The following MAP4 variants were observed in gnomAD, a reference collection of about 807,000 sequenced individuals.
MAP4 encodes the protein microtubule associated protein 4, also known as microtubule-associated protein 4.
In MAP4, 76 loss-of-function variants were observed where a neutral mutation model predicts 170.2. The observed-to-expected ratio is 0.45, with a 90% CI of 0.37 to 0.54. The LOEUF (loss-of-function observed/expected upper bound fraction) is 0.54. MAP4 is among the 20% of genes least tolerant of loss of function. MAP4 has a pLI of 0.00. For synonymous variants in MAP4, 909 were observed against 994.5 expected (o/e 0.91, Z 1.62); for missense variants, 2,506 against 2,748.0 (o/e 0.91, Z 1.97).
At chr3:48,018,810 TAAAAA>T (rs2100109127), upstream of MAP4, among the ~76,000 whole-genome samples, 1 of 151,552 alleles carries the variant, frequency 6.6e-6, no homozygotes, top group African/African-American at 2.4e-5. Context: ...CTCAAAAAAA[TAAAAA>T]TAAAAAAGAA....
chr3:47,903,386 A>G (rs2100031197), intron 9 of MAP4, among the ~76,000 whole-genome samples: 1 of 152,162 alleles, frequency 6.6e-6, no homozygotes, highest in African/African-American at 2.4e-5. Context: ...ACAAAAAATT[A>G]GCCAGGCATA....
rs1338249668 is a variant in MAP4 at position 47,912,131 on chromosome 3, T to G, written c.2290A>C (p.Thr764Pro). The part of the protein sequence containing the change: ...LGREAWDIES[T>P]PIMMKKKKKK... The stretch of plus-strand genomic sequence containing the variant: ...TTCTTTTTCTTCATCATTATTGGTG[T>G]GCTTTCTATATCCCAGGCCTCCCTG... The change falls in exon 9 of 21, where the codon ACA becomes CCA. Residue 764 changes from threonine to proline, a missense_variant. Thr to Pro is a conservative substitution (Grantham distance 38, BLOSUM62 -1). Coordinates refer to ENST00000683076, the MANE Select transcript of MAP4 (RefSeq NM_001385682.1). 6 of 1,536,192 alleles carry G rather than the reference T, an allele frequency of 3.9e-6. No individual in the cohort carries two copies.
chr3:48,011,366 TA>T (rs938164036), intron 1 of MAP4, among the ~76,000 whole-genome samples: 29 of 152,008 alleles, frequency 1.9e-4, no homozygotes, highest in Admixed American at 1.2e-3. Flanking sequence ...CTATCTCTAC[TA>T]AAAATACAAA....
At chr3:47,967,410 T>C (rs1380601153) in intron 3 of MAP4, among the ~76,000 whole-genome samples, 4 of 152,062 alleles carry the variant, frequency 2.6e-5, no homozygotes, top group African/African-American at 4.8e-5. Flanking sequence ...CCCAACACTT[T>C]GGGAGGCTGA....
At chr3:47,957,108 A>T (rs2154142300) in intron 3 of MAP4, among the ~76,000 whole-genome samples, 1 of 152,290 alleles carries the variant, frequency 6.6e-6, no homozygotes, top group South Asian at 2.1e-4. Context: ...TGGCAGTTCC[A>T]CCACCCATGA....
At chr3:47,950,082 G>C (rs2100062724) in intron 3 of MAP4, among the ~76,000 whole-genome samples, 1 of 152,128 alleles carries the variant, frequency 6.6e-6, no homozygotes, top group African/African-American at 2.4e-5. Flanking sequence ...TCCTCAAAAG[G>C]TCTGAATCTC....
intron 1 of MAP4, among the ~76,000 whole-genome samples, chr3:48,038,791 TG>T (rs1252060538): frequency 1.3e-5 from 2 of 152,006 alleles, no homozygotes; most frequent in Non-Finnish European, 2.9e-5. Context: ...TATCTTCTAG[TG>T]TTGTTTTGCT....
At chr3:47,962,456 G>A (rs1225170782) in intron 3 of MAP4, among the ~76,000 whole-genome samples, 1 of 152,216 alleles carries the variant, frequency 6.6e-6, no homozygotes, top group East Asian at 1.9e-4. Context: ...GGTGGGGGAG[G>A]GGCGCATACT....
chr3:47,892,926 C>T, intron 10 of MAP4: 1 of 984,990 alleles, frequency 1.0e-6, no homozygotes. Flanking sequence ...CCACATTCAA[C>T]CACTCAGAAA....
chr3:47,893,288 C>T (rs1304264488), intron 10 of MAP4, among the ~76,000 whole-genome samples: 1 of 152,132 alleles, frequency 6.6e-6, no homozygotes, highest in East Asian at 1.9e-4. Flanking sequence ...TGACAACATA[C>T]CCCTTATGCA....
At chr3:47,921,589 C>T (rs1035837287) in intron 5 of MAP4, among the ~76,000 whole-genome samples, 176 bp downstream of exon 5, 1 of 152,134 alleles carries the variant, frequency 6.6e-6, no homozygotes, top group Non-Finnish European at 1.5e-5. Flanking sequence ...CCACCTCTTG[C>T]GGAGTTACTC....
intron 1 of MAP4, among the ~76,000 whole-genome samples, chr3:48,023,681 G>A (rs1018292195): frequency 2.6e-5 from 4 of 152,206 alleles, no homozygotes; most frequent in South Asian, 2.1e-4. Context: ...CTTTCCCTCT[G>A]AAGTTGGCTG....
chr3:47,977,733 T>G, intron 3 of MAP4, 132 bp downstream of exon 3: 1 of 613,348 alleles, frequency 1.6e-6, no homozygotes, highest in South Asian at 2.6e-5. Flanking sequence ...TTTAAATACC[T>G]CCAACAAGAA....
chr3:47,900,181 T>C (rs1451391924), intron 10 of MAP4, among the ~76,000 whole-genome samples: 1 of 152,224 alleles, frequency 6.6e-6, no homozygotes, highest in Admixed American at 6.5e-5. Context: ...TCCTTGTTAA[T>C]AAAAGATAAA....
chr3:47,917,084 G>C lies in MAP4; in HGVS notation c.743C>G (p.Thr248Ser), dbSNP rs143125102. The C allele has an allele frequency of 1.6e-4, 258 of 1,614,186 alleles. No homozygotes were observed. In the African/African-American group the frequency reaches 3.0e-3, roughly 19 times the overall value. The change falls in exon 7 of 21, where the codon ACT becomes AGT. Residue 248 changes from threonine to serine, a missense_variant. By Grantham distance (58) the Thr-to-Ser change is moderately conservative. Transcript: ENST00000683076. ...ALEIMMGLKT[T>S]DMAPSKETEM... ...TGTTTCTTTAGATGGTGCCATGTCA[G>C]TAGTCTTCAGTCCCATCATTATTTC...
upstream of MAP4, among the ~76,000 whole-genome samples, chr3:48,021,347 GTTTT>G (rs989510775): frequency 6.6e-6 from 1 of 151,082 alleles, no homozygotes; most frequent in Non-Finnish European, 1.5e-5. Context: ...GTTTTTGTTT[GTTTT>G]TGTTTTTTTT....
chr3:48,010,098 T>A, intron 1 of MAP4, among the ~76,000 whole-genome samples: 1 of 152,218 alleles, frequency 6.6e-6, no homozygotes, highest in East Asian at 1.9e-4. Flanking sequence ...GCCCTGTGAT[T>A]ACTGTCAATG....
chr3:47,973,583 T>A (rs1329900103), intron 3 of MAP4: 1 of 984,518 alleles, frequency 1.0e-6, no homozygotes, highest in Non-Finnish European at 1.2e-6. Flanking sequence ...AAAAAACAAA[T>A]TTCAAACAAA....
chr3:47,993,658 G>A (rs1190108864), intron 2 of MAP4, among the ~76,000 whole-genome samples: 1 of 152,214 alleles, frequency 6.6e-6, no homozygotes, highest in Non-Finnish European at 1.5e-5. Context: ...ATTGTAACAG[G>A]AGATGAAATA....
Sources: allele counts gnomAD v4.1 joint callset (sites outside exome capture counted in the v4.1 genomes callset), GRCh38; gene constraint gnomAD v4.1.1; transcripts MANE v1.5; gene names NCBI Gene and HGNC (gene_info 2026-07-23, HGNC 2026-07-21).